PPP1R13B: variants seen among roughly 807,000 people sequenced by gnomAD.
PPP1R13B encodes apoptosis-stimulating of p53 protein 1.
Under a neutral mutation model 119.8 loss-of-function variants are expected in PPP1R13B, and 44 were observed. That is an observed-to-expected ratio of 0.37 (90% CI 0.29 to 0.47). The LOEUF is 0.47. PPP1R13B is among the 20% of genes least tolerant of loss of function. The pLI is 0.99. For synonymous variants in PPP1R13B, 542 were observed against 561.5 expected, an observed-to-expected ratio of 0.97 and a Z score of 0.49; for missense variants, 1,227 against 1,413.5, an observed-to-expected ratio of 0.87 and a Z score of 2.12.
At chr14:103,802,396 T>A (rs1168610914) in intron 1 of PPP1R13B, among the ~76,000 whole-genome samples, 2 of 152,050 alleles carry the variant, frequency 1.3e-5, no homozygotes, top group African/African-American at 4.8e-5. Flanking sequence ...GTAAAAAAAT[T>A]TTTTTTTACT....
chr14:103,749,161 A>G (rs888032875), intron 8 of PPP1R13B, among the ~76,000 whole-genome samples: 10 of 152,180 alleles, frequency 6.6e-5, no homozygotes, highest in East Asian at 1.9e-4. Flanking sequence ...CATTTTTTCA[A>G]TGAGCATTTA....
intron 1 of PPP1R13B, among the ~76,000 whole-genome samples, chr14:103,816,405 G>A (rs1244961299): frequency 4.6e-5 from 7 of 150,838 alleles, no homozygotes; most frequent in African/African-American, 1.2e-4. Context: ...CCAGGTTTCC[G>A]GCCAGGCACA....
At chr14:103,745,836 G>A (rs1280112738) in intron 9 of PPP1R13B, among the ~76,000 whole-genome samples, 1 of 151,954 alleles carries the variant, frequency 6.6e-6, no homozygotes, top group Non-Finnish European at 1.5e-5. Context: ...TTGAGATGAA[G>A]TTTCACTCTT....
intron 7 of PPP1R13B, among the ~76,000 whole-genome samples, chr14:103,751,103 G>A (rs768326462): frequency 2.6e-5 from 4 of 152,256 alleles, no homozygotes; most frequent in East Asian, 1.9e-4. Flanking sequence ...GCAGTGAGCC[G>A]AGATCGTGCC....
At chr14:103,779,256 A>G (rs1194259765) in intron 3 of PPP1R13B, among the ~76,000 whole-genome samples, 1 of 152,038 alleles carries the variant, frequency 6.6e-6, no homozygotes, top group Admixed American at 6.6e-5. Flanking sequence ...GCTACTGCAC[A>G]ATCTTGCTCT....
intron 4 of PPP1R13B, among the ~76,000 whole-genome samples, chr14:103,770,975 C>CA (rs1259201304): frequency 6.6e-6 from 1 of 152,186 alleles, no homozygotes; most frequent in African/African-American, 2.4e-5. Flanking sequence ...GACTTAAGCT[C>CA]ATTCCATTGT....
At chr14:103,842,021 C>T (rs2086920905) in intron 1 of PPP1R13B, among the ~76,000 whole-genome samples, 1 of 152,088 alleles carries the variant, frequency 6.6e-6, no homozygotes, top group South Asian at 2.1e-4. Flanking sequence ...GTTTTGTTGT[C>T]AATTACGTGT....
At chr14:103,848,224 C>A, upstream of PPP1R13B, 1 of 983,530 alleles carries the variant, frequency 1.0e-6, no homozygotes, top group Non-Finnish European at 1.2e-6. Flanking sequence ...TTCGCCCGAG[C>A]GATCTCCCGC....
intron 12 of PPP1R13B, among the ~76,000 whole-genome samples, chr14:103,739,546 G>C (rs1033353596): frequency 6.6e-6 from 1 of 152,154 alleles, no homozygotes; most frequent in Non-Finnish European, 1.5e-5. Context: ...AGGTGCCAGC[G>C]ACAGCTCCCC....
rs1330489402 is a variant in PPP1R13B, at chr14:103,847,511, G to A, written c.-204C>T. The A allele has an allele frequency of 1.0e-6, 1 of 984,454 alleles. No homozygotes were observed. The highest frequency in any genetic ancestry group is 1.8e-5 in the African/African-American group (1 of 56,554). The allele number at this position is 984,454 out of a possible 1,614,324, so 61.0% of individuals were successfully genotyped here. A position where few individuals can be genotyped will look rare whatever the true frequency, so the allele number is the denominator to read the frequency against. Reference sequence around the variant, plus strand: ...GCCGGCGCGCTGCGTCGCTGTCCCGGGCACCCGGCCGCCGCCGCCGCCGCC... The same window carrying A: ...GCCGGCGCGCTGCGTCGCTGTCCCGAGCACCCGGCCGCCGCCGCCGCCGCC... On this transcript the variant is annotated 5_prime_UTR_variant, in exon 1 of 17. Transcript: ENST00000202556.
intron 9 of PPP1R13B, among the ~76,000 whole-genome samples, chr14:103,746,045 A>G (rs1378125625): frequency 6.6e-6 from 1 of 152,182 alleles, no homozygotes; most frequent in Non-Finnish European, 1.5e-5. Context: ...ACCTCAGGTG[A>G]TCCACCCGCC....
chr14:103,833,776 G>A (rs1280857291), intron 1 of PPP1R13B, among the ~76,000 whole-genome samples: 1 of 152,136 alleles, frequency 6.6e-6, no homozygotes. Flanking sequence ...TCCTGAGGTT[G>A]AGAAGACCTC....
At chr14:103,843,065 A>C (rs1031137311) in intron 1 of PPP1R13B, among the ~76,000 whole-genome samples, 2 of 151,154 alleles carry the variant, frequency 1.3e-5, no homozygotes, top group Non-Finnish European at 2.9e-5. Flanking sequence ...AAACGTCCAC[A>C]CTCTTTCAAA....
intron 4 of PPP1R13B, chr14:103,763,840 C>G (rs969360774): frequency 6.6e-6 from 1 of 152,282 alleles, no homozygotes; most frequent in Non-Finnish European, 1.5e-5. Flanking sequence ...ACCCACTGAT[C>G]TGCTTTCTGT....
Position 103,734,402 on chromosome 14 carries a change from G to A in PPP1R13B, c.*752C>T, listed in dbSNP as rs2084035307. On this transcript the variant is annotated 3_prime_UTR_variant, in exon 17 of 17. Coordinates refer to ENST00000202556, the MANE Select transcript of PPP1R13B (RefSeq NM_015316.3). ...TCAGGGAACTGAATTTGAGCTTGCA[G>A]GGGTGAGAACCACACTGAGCAGCAT... 2 of 401,230 alleles carry A rather than the reference G, an allele frequency of 5.0e-6. No homozygotes were observed. The highest frequency in any genetic ancestry group is 2.7e-5 in the Admixed American group (1 of 37,632). 24.9% of individuals were successfully genotyped at this position (401,230 alleles called of 1,614,324 possible).
At chr14:103,736,283 C>T (rs1327705447) in intron 15 of PPP1R13B, 81 bp from the exon 16 acceptor site, 15 of 1,458,050 alleles carry the variant, frequency 1.0e-5, no homozygotes, top group Middle Eastern at 1.7e-4. Context: ...AGGACACAGT[C>T]GTGCTGCTGC....
chr14:103,794,687 AG>A, intron 2 of PPP1R13B: 1 of 435,788 alleles, frequency 2.3e-6, no homozygotes, highest in South Asian at 1.6e-5. Context: ...AATCTCTGTA[AG>A]GGTTCCTCTA....
intron 3 of PPP1R13B, among the ~76,000 whole-genome samples, chr14:103,781,388 T>C (rs1327812697): frequency 6.6e-6 from 1 of 152,136 alleles, no homozygotes; most frequent in Non-Finnish European, 1.5e-5. Flanking sequence ...GCCCGGAGCC[T>C]TGGTGTCCTG....
intron 1 of PPP1R13B, among the ~76,000 whole-genome samples, chr14:103,799,247 C>A (rs2085836233): frequency 6.6e-6 from 1 of 152,150 alleles, no homozygotes; most frequent in Non-Finnish European, 1.5e-5. Flanking sequence ...GGCGCAATCT[C>A]GGCTCTCTGC....
Sources: allele counts gnomAD v4.1 joint callset (sites outside exome capture counted in the v4.1 genomes callset), GRCh38; gene constraint gnomAD v4.1.1; transcripts MANE v1.5; gene names NCBI Gene and HGNC (gene_info 2026-07-23, HGNC 2026-07-21).